Variants in SLC14A2 observed in about 807,000 individuals in gnomAD.
SLC14A2 encodes urea transporter 2.
Under a neutral mutation model 104.6 loss-of-function variants are expected in SLC14A2, and 91 were observed. The ratio of observed to expected loss-of-function variants is 0.87; its 90% CI spans 0.73 to 1.04. SLC14A2 has a LOEUF of 1.04. Ranked by LOEUF, SLC14A2 falls within the 50% of genes least tolerant of loss-of-function variation. SLC14A2 has a pLI of 0.00. For synonymous variants in SLC14A2, 476 were observed against 466.4 expected, an observed-to-expected ratio of 1.02 and a Z score of -0.27; for missense variants, 1,189 against 1,156.0, an observed-to-expected ratio of 1.03 and a Z score of -0.41.
At chr18:45,210,188 T>C (rs2083950415), upstream of SLC14A2, among the ~76,000 whole-genome samples, 2 of 152,174 alleles carry the variant, frequency 1.3e-5, no homozygotes, top group Admixed American at 1.3e-4. Context: ...TTCATACCCA[T>C]AGATTGAAGT....
At chr18:45,514,230 C>T (rs1178851267) in intron 2 of SLC14A2, among the ~76,000 whole-genome samples, 1 of 152,110 alleles carries the variant, frequency 6.6e-6, no homozygotes, top group Non-Finnish European at 1.5e-5. Context: ...CTGGGGAGGC[C>T]TCAGGAAACT....
At chr18:45,590,616 T>C (rs1235011133) in intron 2 of SLC14A2, among the ~76,000 whole-genome samples, 1 of 151,882 alleles carries the variant, frequency 6.6e-6, no homozygotes, top group African/African-American at 2.4e-5. Context: ...ACCCTAGGGG[T>C]CTAAAGTCCA....
At chr18:45,354,756 C>T (rs1374682592) in intron 1 of SLC14A2, among the ~76,000 whole-genome samples, 1 of 152,166 alleles carries the variant, frequency 6.6e-6, no homozygotes, top group Non-Finnish European at 1.5e-5. Flanking sequence ...GTATATGCTG[C>T]ACTTCCCCAA....
intron 1 of SLC14A2, among the ~76,000 whole-genome samples, chr18:45,441,760 T>C (rs753874510): frequency 1.3e-5 from 2 of 152,214 alleles, no homozygotes; most frequent in Non-Finnish European, 2.9e-5. Context: ...CAGATGAATT[T>C]AGGAATTTGC....
chr18:45,169,346 G>A, the SLC14A2 span, among the ~76,000 whole-genome samples: 4,036 of 152,202 alleles, frequency 0.027, 83 homozygotes, highest in South Asian at 0.065. Flanking sequence ...TCATTCTGAC[G>A]TTGAGACCTG....
chr18:45,302,304 GAGTT>G (rs1442722246), intron 1 of SLC14A2, among the ~76,000 whole-genome samples: 2 of 152,334 alleles, frequency 1.3e-5, no homozygotes, highest in African/African-American at 4.8e-5. Context: ...AGTGGAATAA[GAGTT>G]AGTCTATACT....
chr18:45,229,957 C>A (rs990278), intron 1 of SLC14A2, among the ~76,000 whole-genome samples: 16,325 of 152,026 alleles, frequency 0.11, 952 homozygotes, highest in African/African-American at 0.16. Flanking sequence ...TTAATATTCT[C>A]AGGCCTCTGT....
chr18:45,573,124 C>T (rs2044372593), intron 2 of SLC14A2, among the ~76,000 whole-genome samples: 1 of 152,158 alleles, frequency 6.6e-6, no homozygotes, highest in Admixed American at 6.5e-5. Flanking sequence ...ACTGCCAGCT[C>T]AGTGTTCTTT....
At chr18:45,561,238 G>GC (rs983308705) in intron 2 of SLC14A2, among the ~76,000 whole-genome samples, 8 of 152,126 alleles carry the variant, frequency 5.3e-5, no homozygotes, top group South Asian at 2.1e-4. Flanking sequence ...GTGAATGAAG[G>GC]CAACGTGCCT....
At chr18:45,267,792 T>C (rs1317147381) in intron 1 of SLC14A2, among the ~76,000 whole-genome samples, 1 of 152,122 alleles carries the variant, frequency 6.6e-6, no homozygotes, top group Non-Finnish European at 1.5e-5. Context: ...CTGAGGACAC[T>C]TAGATTGCAA....
intron 1 of SLC14A2, among the ~76,000 whole-genome samples, chr18:45,328,778 C>T (rs932649049): frequency 6.6e-6 from 1 of 152,130 alleles, no homozygotes; most frequent in Non-Finnish European, 1.5e-5. Context: ...TTATGAAAAG[C>T]AAAGGAATTA....
At chr18:45,657,129 G>A (rs115408855) in intron 10 of SLC14A2, among the ~76,000 whole-genome samples, 1,655 of 152,204 alleles carry the variant, frequency 0.011, 26 homozygotes, top group African/African-American at 0.038. Context: ...AAATAGATTC[G>A]AGAATACCTA....
At chr18:45,279,406 G>A (rs1428980827) in intron 1 of SLC14A2, among the ~76,000 whole-genome samples, 1 of 152,174 alleles carries the variant, frequency 6.6e-6, no homozygotes, top group East Asian at 1.9e-4. Context: ...AGGGATGGAT[G>A]GAGTCAAATA....
At chr18:45,468,831 C>T (rs1313665605) in intron 1 of SLC14A2, among the ~76,000 whole-genome samples, 1 of 152,198 alleles carries the variant, frequency 6.6e-6, no homozygotes, top group Non-Finnish European at 1.5e-5. Flanking sequence ...AATTGCTGAG[C>T]ACCTACTATA....
intron 1 of SLC14A2, chr18:45,447,649 C>G (rs2086791871): frequency 6.6e-6 from 1 of 152,122 alleles, no homozygotes; most frequent in African/African-American, 2.4e-5. Flanking sequence ...AAGCTATAAA[C>G]TGAGGATTTT....
chr18:45,613,752 T>G (rs1050728651), upstream of SLC14A2, among the ~76,000 whole-genome samples: 2 of 152,242 alleles, frequency 1.3e-5, no homozygotes, highest in African/African-American at 2.4e-5. Context: ...AGCAAAGCAT[T>G]CAAGAGGTGA....
At chr18:45,270,377 G>A (rs889500174) in intron 1 of SLC14A2, among the ~76,000 whole-genome samples, 8 of 152,104 alleles carry the variant, frequency 5.3e-5, no homozygotes, top group South Asian at 2.1e-4. Flanking sequence ...AGAACTAGAG[G>A]GAAGAGAAGC....
At position 45,557,652 on chromosome 18, in the gene SLC14A2, T is replaced by G. The variant is rs149338880; in HGVS notation, c.-34-66979T>G. Among the ~76,000 whole-genome samples the G allele has an allele frequency of 8.7e-3, 1,330 of 152,252 alleles. 12 individuals carry two copies. Among genetic ancestry groups the G allele is most frequent in the Middle Eastern group, 0.014 (4 of 294 alleles). The stretch of plus-strand genomic sequence containing the variant: ...AGAAGTTTTTCCCTTCCTAAGACAA[T>G]GTCAGAGGCCCCATATATTGGGCCT... On this transcript the variant is annotated intron_variant, in intron 2 of 20. Transcript: ENST00000586448.
chr18:45,512,266 G>T (rs966349367), intron 2 of SLC14A2, among the ~76,000 whole-genome samples: 2 of 152,080 alleles, frequency 1.3e-5, no homozygotes, highest in African/African-American at 4.8e-5. Flanking sequence ...ATGAGTTCTT[G>T]TCCTCTTCAG....
Sources: allele counts gnomAD v4.1 joint callset (sites outside exome capture counted in the v4.1 genomes callset), GRCh38; gene constraint gnomAD v4.1.1; transcripts MANE v1.5; gene names NCBI Gene and HGNC (gene_info 2026-07-23, HGNC 2026-07-21).